Variants in CCL26 observed in about 807,000 individuals in gnomAD.
The protein encoded by CCL26 is C-C motif chemokine ligand 26, also known as C-C motif chemokine 26.
Under a neutral mutation model 10.7 loss-of-function variants are expected in CCL26, and 10 were observed. That is an observed-to-expected ratio of 0.93 (90% CI 0.57 to 1.58). The LOEUF is 1.58. Ranked by LOEUF, CCL26 falls within the 40% of genes most tolerant of loss-of-function variation. The probability of loss-of-function intolerance (pLI) is 0.00; values close to 1 mark genes in which losing one functional copy is unlikely to be tolerated. For missense variants in CCL26, 116 were observed against 111.0 expected (o/e 1.05, Z -0.20); for synonymous variants, 43 against 41.4 (o/e 1.04, Z -0.15).
upstream of CCL26, among the ~76,000 whole-genome samples, chr7:75,775,449 C>A (rs79277271): frequency 0.045 from 6,802 of 152,074 alleles, 351 homozygotes; most frequent in African/African-American, 0.13. Context: ...TCCACGGGAG[C>A]CCCAGGAGAG....
upstream of CCL26, among the ~76,000 whole-genome samples, chr7:75,772,919 T>C (rs1802861411): frequency 6.6e-6 from 1 of 152,180 alleles, no homozygotes; most frequent in Admixed American, 6.6e-5. Context: ...TTGTTGAAGA[T>C]AGGTTTCTGG....
chr7:75,784,928 A>G (rs868958452), intron 1 of CCL26, among the ~76,000 whole-genome samples: 2 of 152,154 alleles, frequency 1.3e-5, no homozygotes, highest in African/African-American at 2.4e-5. Context: ...ATCTCACAGC[A>G]TGCTTTAAAA....
At chr7:75,788,882 C>A (rs1321432874) in intron 1 of CCL26, among the ~76,000 whole-genome samples, 1 of 151,816 alleles carries the variant, frequency 6.6e-6, no homozygotes, top group African/African-American at 2.4e-5. Flanking sequence ...TGTGGAAATT[C>A]TTTGAGTTGT....
chr7:75,790,178 C>CCTTTCTTT (rs782115911), upstream of CCL26, among the ~76,000 whole-genome samples: 74 of 44,336 alleles, frequency 1.7e-3, 1 homozygote, highest in Non-Finnish European at 2.0e-3. Flanking sequence ...TTCCTTCCTT[C>CCTTTCTTT]CTTTCTTTCT....
intron 1 of CCL26, among the ~76,000 whole-genome samples, chr7:75,787,687 A>C (rs1803230196): frequency 1.2e-5 from 1 of 82,152 alleles, no homozygotes; most frequent in Non-Finnish European, 2.3e-5. Context: ...CACACCCCCC[A>C]AGCTCAGCCT....
chr7:75,777,740 A>AAAAAAAAAAAC, intron 1 of CCL26, among the ~76,000 whole-genome samples: 1 of 150,852 alleles, frequency 6.6e-6, no homozygotes, highest in African/African-American at 2.4e-5. Context: ...AAAAAAAAAA[A>AAAAAAAAAAAC]AAGCAGCAGC....
At chr7:75,771,643 G>A (rs1802822883) in intron 2 of CCL26, among the ~76,000 whole-genome samples, 1 of 152,214 alleles carries the variant, frequency 6.6e-6, no homozygotes, top group Non-Finnish European at 1.5e-5. Context: ...TTGAACCCGG[G>A]AGGGGGAGGT....
At chr7:75,790,619 C>T (rs1554530708), upstream of CCL26, among the ~76,000 whole-genome samples, 2 of 152,004 alleles carry the variant, frequency 1.3e-5, no homozygotes, top group Non-Finnish European at 2.9e-5. Context: ...CAGCTTTCCT[C>T]CTGTATGGGT....
intron 1 of CCL26, among the ~76,000 whole-genome samples, chr7:75,781,353 A>G (rs1803056794): frequency 6.6e-6 from 1 of 152,202 alleles, no homozygotes; most frequent in Admixed American, 6.5e-5. Flanking sequence ...TCCAGCACAC[A>G]AGAACTTCCA....
chr7:75,784,550 C>T (rs901568380), intron 1 of CCL26, among the ~76,000 whole-genome samples: 3 of 152,190 alleles, frequency 2.0e-5, no homozygotes, highest in Non-Finnish European at 4.4e-5. Flanking sequence ...TTTTCCTTTG[C>T]CTCCATAACT....
upstream of CCL26, among the ~76,000 whole-genome samples, chr7:75,772,737 A>G (rs1361035844): frequency 6.6e-6 from 1 of 152,122 alleles, no homozygotes; most frequent in Non-Finnish European, 1.5e-5. Context: ...TTCCATCAAC[A>G]GGGACAAAAA....
chr7:75,778,856 G>C (rs1283689149), intron 1 of CCL26, among the ~76,000 whole-genome samples: 1 of 151,932 alleles, frequency 6.6e-6, no homozygotes, highest in East Asian at 1.9e-4. Context: ...GGTGGGGGGG[G>C]CAGATCACTA....
intron 1 of CCL26, among the ~76,000 whole-genome samples, chr7:75,778,850 G>GGGGC: frequency 6.6e-6 from 1 of 152,054 alleles, no homozygotes; most frequent in Admixed American, 6.6e-5. Flanking sequence ...GGCCAAGGTG[G>GGGGC]GGGGGGCAGA....
At chr7:75,787,340 G>T (rs1387399055) in intron 1 of CCL26, among the ~76,000 whole-genome samples, 1 of 152,096 alleles carries the variant, frequency 6.6e-6, no homozygotes, top group African/African-American at 2.4e-5. Flanking sequence ...CGGACTAATG[G>T]TTTTTTAAAG....
At chr7:75,772,299 C>G, upstream of CCL26, 2 of 668,098 alleles carry the variant, frequency 3.0e-6, no homozygotes, top group Non-Finnish European at 5.3e-6. Context: ...ACAGAAGCAG[C>G]ACTTTTGACC....
At chr7:75,771,472 G>T (rs2115635772) in intron 2 of CCL26, among the ~76,000 whole-genome samples, 1 of 152,304 alleles carries the variant, frequency 6.6e-6, no homozygotes, top group Middle Eastern at 3.4e-3. Flanking sequence ...TGTAATCCCA[G>T]CATTTTGGGA....
intron 2 of CCL26, 47 bp from the exon 3 acceptor site, chr7:75,769,836 C>T: frequency 8.3e-7 from 1 of 1,204,502 alleles, no homozygotes; most frequent in Non-Finnish European, 1.2e-6. Context: ...CTCTTTGCCT[C>T]CTGGGGTGGG....
chr7:75,777,882 C>T (rs904867228), intron 1 of CCL26, among the ~76,000 whole-genome samples: 8 of 150,422 alleles, frequency 5.3e-5, no homozygotes, highest in Non-Finnish European at 1.0e-4. Context: ...TGCAGTGGCA[C>T]GATCTTGGCT....
chr7:75,791,437 C>T (rs979021675), upstream of CCL26, among the ~76,000 whole-genome samples: 2 of 152,150 alleles, frequency 1.3e-5, no homozygotes, highest in Non-Finnish European at 2.9e-5. Flanking sequence ...CCTCCAGGCC[C>T]TTCCCTGTGG....
Sources: gnomAD v4.1 joint callset for allele counts (sites outside exome capture counted in the v4.1 genomes callset) on GRCh38, gnomAD v4.1.1 for gene constraint, MANE v1.5 for transcripts, NCBI Gene and HGNC (gene_info 2026-07-23, HGNC 2026-07-21) for gene names.